The following RGS7 variants were observed in gnomAD, a reference collection of about 807,000 sequenced individuals.
RGS7 encodes the protein regulator of G-protein signaling 7.
RGS7 carries 27 observed loss-of-function variants against 81.1 expected under a neutral mutation model. The observed-to-expected ratio is 0.33, with a 90% CI of 0.25 to 0.46. The LOEUF (loss-of-function observed/expected upper bound fraction) is 0.46. RGS7 is among the 20% of genes least tolerant of loss of function. The pLI is 1.00. For synonymous variants in RGS7, 208 were observed against 207.7 expected, an observed-to-expected ratio of 1.00 and a Z score of -0.01; for missense variants, 396 against 607.4, an observed-to-expected ratio of 0.65 and a Z score of 3.66.
intron 2 of RGS7, among the ~76,000 whole-genome samples, chr1:241,193,710 C>A (rs2072863238): frequency 6.6e-6 from 1 of 152,126 alleles, no homozygotes; most frequent in Admixed American, 6.5e-5. Flanking sequence ...ACAGGCAGTA[C>A]ACAAACACTT....
In RGS7 at chr1:241,059,076, G is replaced by A. The variant is rs529883136; in HGVS notation, c.175+39590C>T. ...TTAACTATCCCCTCTTCCTTAAAGC[G>A]CTCATTTCCCTTGAACTGGATAACA... On this transcript the variant is annotated intron_variant, in intron 3 of 18. Transcript: ENST00000440928. Among the ~76,000 whole-genome samples, 34 of 152,252 alleles carry A rather than the reference G, an allele frequency of 2.2e-4. 1 individual carries two copies. Among genetic ancestry groups the A allele is most frequent in the Admixed American group, 6.5e-4 (10 of 15,302 alleles).
intron 3 of RGS7, among the ~76,000 whole-genome samples, chr1:241,086,245 A>T (rs969495486): frequency 6.6e-6 from 1 of 152,220 alleles, no homozygotes; most frequent in Non-Finnish European, 1.5e-5. Flanking sequence ...TAGCCAAAAC[A>T]TATCATGCCT....
chr1:240,803,159 C>G (rs61832401), intron 15 of RGS7, among the ~76,000 whole-genome samples, 166 bp from the exon 16 acceptor site: 3,130 of 152,112 alleles, frequency 0.021, 39 homozygotes, highest in Non-Finnish European at 0.031. Flanking sequence ...TCTTCAAATT[C>G]ATTATCTCAT....
intron 5 of RGS7, among the ~76,000 whole-genome samples, chr1:240,933,164 G>A (rs1444751680): frequency 3.3e-5 from 5 of 151,754 alleles, no homozygotes; most frequent in South Asian, 2.1e-4. Context: ...TTACAGGTGT[G>A]AGCCACCGCG....
At chr1:241,201,748 T>C (rs2073516122) in intron 2 of RGS7, among the ~76,000 whole-genome samples, 1 of 152,152 alleles carries the variant, frequency 6.6e-6, no homozygotes, top group African/African-American at 2.4e-5. Context: ...ACAGCAACTT[T>C]ACATTTTAGA....
chr1:241,149,231 A>G (rs756068824), intron 2 of RGS7, among the ~76,000 whole-genome samples: 5 of 152,124 alleles, frequency 3.3e-5, no homozygotes, highest in Non-Finnish European at 5.9e-5. Flanking sequence ...CAGTGGCGCA[A>G]TCTCGGCTCA....
chr1:241,005,032 A>C (rs2058611824), intron 3 of RGS7, among the ~76,000 whole-genome samples: 1 of 152,172 alleles, frequency 6.6e-6, no homozygotes, highest in African/African-American at 2.4e-5. Flanking sequence ...ACTTAAGAAC[A>C]GCCGCCTACA....
At chr1:241,098,572 A>T in intron 3 of RGS7, 94 bp downstream of exon 3, 1 of 822,418 alleles carries the variant, frequency 1.2e-6, no homozygotes, top group Non-Finnish European at 2.1e-6. Context: ...AATGGATTAG[A>T]GACAGAGTTT....
At chr1:241,038,065 C>T (rs2060423123) in intron 3 of RGS7, among the ~76,000 whole-genome samples, 1 of 152,028 alleles carries the variant, frequency 6.6e-6, no homozygotes, top group Admixed American at 6.5e-5. Flanking sequence ...AACTAAAGAA[C>T]ATATTAATGT....
At chr1:241,049,291 C>T (rs1303781306) in intron 3 of RGS7, among the ~76,000 whole-genome samples, 1 of 152,202 alleles carries the variant, frequency 6.6e-6, no homozygotes, top group Non-Finnish European at 1.5e-5. Context: ...TTCAACTGGA[C>T]ATTACTGGTG....
chr1:241,310,204 T>C lies in RGS7; in HGVS notation c.78+45495A>G, dbSNP rs59481200. 4.0e-3 allele frequency among the ~76,000 whole-genome samples: 605 copies of C among 152,268 alleles called. 4 individuals carry two copies. Among genetic ancestry groups the C allele is most frequent in the African/African-American group, 0.014 (583 of 41,534 alleles). ...TCATTACAAGAAGACAATAAACCAA[T>C]ATTTGTGGTCATCTTTCTCTTTATG... On this transcript the variant is annotated intron_variant, in intron 2 of 18. Transcript: ENST00000440928.
In RGS7 at chr1:241,329,935, G is replaced by GTTTGTTT. The variant is rs760382533; in HGVS notation, c.78+25757_78+25763dup. 6.6e-3 allele frequency among the ~76,000 whole-genome samples: 999 copies of GTTTGTTT among 151,146 alleles called. 9 individuals carry two copies. The highest frequency in any genetic ancestry group is 0.01 in the Middle Eastern group (3 of 294). The stretch of plus-strand genomic sequence containing the variant: ...ATTTTTCTTTGTTTTTTTTTTGTTT[G>GTTTGTTT]TTTGTTTTTTGTTTTTTGTTTTTGA... On this transcript the variant is annotated intron_variant, in intron 2 of 18. Transcript: ENST00000440928.
At chr1:240,935,079 A>G (rs1572852142) in intron 5 of RGS7, among the ~76,000 whole-genome samples, 2 of 137,664 alleles carry the variant, frequency 1.5e-5, no homozygotes, top group Middle Eastern at 7.6e-3. Flanking sequence ...TTTTTTTTTT[A>G]GTAGAGATGA....
intron 2 of RGS7, among the ~76,000 whole-genome samples, chr1:241,353,361 G>A (rs1319782170): frequency 1.3e-5 from 2 of 152,170 alleles, no homozygotes; most frequent in South Asian, 2.1e-4. Context: ...ATGGACACAC[G>A]AAATATGTGA....
intron 2 of RGS7, among the ~76,000 whole-genome samples, chr1:241,315,173 G>A (rs2080800228): frequency 7.2e-6 from 1 of 139,144 alleles, no homozygotes; most frequent in African/African-American, 2.7e-5. Context: ...TGGGGCTGAG[G>A]GAGAGAGGAG....
chr1:241,012,267 G>A (rs1213732920), intron 3 of RGS7, among the ~76,000 whole-genome samples: 2 of 152,150 alleles, frequency 1.3e-5, no homozygotes, highest in African/African-American at 2.4e-5. Context: ...AATGAAGATA[G>A]GTGAGACCGG....
intron 3 of RGS7, among the ~76,000 whole-genome samples, chr1:241,008,463 T>C (rs188793867): frequency 1.3e-5 from 2 of 152,308 alleles, no homozygotes; most frequent in Admixed American, 6.5e-5. Flanking sequence ...TCCCGGGTAA[T>C]GTTGCTGCTG....
At chr1:241,227,961 T>C in intron 2 of RGS7, among the ~76,000 whole-genome samples, 1 of 152,150 alleles carries the variant, frequency 6.6e-6, no homozygotes, top group Admixed American at 6.5e-5. Flanking sequence ...GAACTCTAAC[T>C]TGCCTCCCTC....
chr1:241,067,950 C>T (rs1030351262), intron 3 of RGS7, among the ~76,000 whole-genome samples: 30 of 151,810 alleles, frequency 2.0e-4, no homozygotes, highest in Admixed American at 5.9e-4. Context: ...AGGAATTGCT[C>T]CCATCTGAAT....
Sources: gnomAD v4.1 joint callset for allele counts (sites outside exome capture counted in the v4.1 genomes callset) on GRCh38, gnomAD v4.1.1 for gene constraint, MANE v1.5 for transcripts, NCBI Gene and HGNC (gene_info 2026-07-23, HGNC 2026-07-21) for gene names.